The following PAX5 variants were observed in gnomAD, a reference collection of about 807,000 sequenced individuals.
PAX5 encodes the protein paired box 5, also known as paired box protein Pax-5.
Under a neutral mutation model 43.7 loss-of-function variants are expected in PAX5, and 9 were observed. That is an observed-to-expected ratio of 0.21 (90% CI 0.12 to 0.36). The LOEUF (loss-of-function observed/expected upper bound fraction) is 0.36, where lower values mean the gene tolerates loss of function less well. PAX5 is among the 10% of genes least tolerant of loss of function. PAX5 has a pLI of 1.00. For missense variants in PAX5, 383 were observed against 532.7 expected, an observed-to-expected ratio of 0.72 and a Z score of 2.77; for synonymous variants, 228 against 214.3, an observed-to-expected ratio of 1.06 and a Z score of -0.56.
chr9:36,968,911 A>G (rs1380137491), intron 5 of PAX5, among the ~76,000 whole-genome samples: 1 of 152,038 alleles, frequency 6.6e-6, no homozygotes, highest in Non-Finnish European at 1.5e-5. Flanking sequence ...TTCTATGCAC[A>G]CACACACATG....
intron 7 of PAX5, among the ~76,000 whole-genome samples, chr9:36,883,560 A>T (rs908767702): frequency 1.3e-5 from 2 of 152,054 alleles, no homozygotes; most frequent in Non-Finnish European, 2.9e-5. Flanking sequence ...GATCCCAGCT[A>T]CTCGGGAGGC....
At chr9:37,025,037 C>T (rs76390944) in intron 1 of PAX5, among the ~76,000 whole-genome samples, 1,982 of 152,306 alleles carry the variant, frequency 0.013, 51 homozygotes, top group African/African-American at 0.044. Flanking sequence ...AGGTCCTCCC[C>T]AGAGCCAGGC....
At chr9:37,026,248 C>G (rs921164007) in intron 1 of PAX5, among the ~76,000 whole-genome samples, 1 of 152,268 alleles carries the variant, frequency 6.6e-6, no homozygotes, top group Non-Finnish European at 1.5e-5. Flanking sequence ...CGGGTCCAAG[C>G]CAGGGTTCTC....
In PAX5 at chr9:36,839,732, C is replaced by G; in HGVS notation, c.*828G>C. The stretch of plus-strand genomic sequence containing the variant: ...TCACATTCAAAGTCCACAATGTAAT[C>G]AATACCTCGGATGACATTCTGCTTC... On this transcript the variant is annotated 3_prime_UTR_variant, in exon 10 of 10. Coordinates refer to ENST00000358127, the MANE Select transcript of PAX5 (RefSeq NM_016734.3). The G allele has an allele frequency of 4.3e-6, 1 of 233,414 alleles. No individual in the cohort carries two copies. The highest frequency in any genetic ancestry group is 8.5e-6 in the Non-Finnish European group (1 of 118,116). 14.5% of individuals were successfully genotyped at this position (233,414 alleles called of 1,614,324 possible).
intron 8 of PAX5, among the ~76,000 whole-genome samples, chr9:36,867,931 A>G (rs768275933): frequency 1.3e-5 from 2 of 152,198 alleles, no homozygotes; most frequent in Non-Finnish European, 2.9e-5. Flanking sequence ...ATTAATGACT[A>G]TATTTCCAGC....
In PAX5 at chr9:37,027,048, T is replaced by A. The variant is rs189016938; in HGVS notation, c.47-6247A>T. 2.2e-3 allele frequency among the ~76,000 whole-genome samples: 333 copies of A among 152,308 alleles called. 4 individuals are homozygous for A. The highest frequency in any genetic ancestry group is 7.4e-3 in the African/African-American group (309 of 41,570). The stretch of plus-strand genomic sequence containing the variant: ...TGCCAGGCTGGTTCCGCGGCCTCGA[T>A]GCTTCTGAGGTCCCTCCTCGACCCC... On this transcript the variant is annotated intron_variant, in intron 1 of 9. Transcript: ENST00000358127.
chr9:36,937,272 C>T (rs1051391685), intron 6 of PAX5, among the ~76,000 whole-genome samples: 2 of 152,166 alleles, frequency 1.3e-5, no homozygotes, highest in East Asian at 1.9e-4. Flanking sequence ...TATTACTACC[C>T]TCCCTTTACA....
At chr9:36,924,437 C>T (rs1263470871) in intron 6 of PAX5, among the ~76,000 whole-genome samples, 2 of 152,118 alleles carry the variant, frequency 1.3e-5, no homozygotes, top group East Asian at 1.9e-4. Context: ...AAAATATATG[C>T]GGCTGGGTGC....
Position 36,838,144 on chromosome 9 carries a change from C to T in PAX5, c.*2416G>A. The T allele has an allele frequency of 4.3e-6, 1 of 233,366 alleles. No homozygotes were observed. The highest frequency in any genetic ancestry group is 8.5e-6 in the Non-Finnish European group (1 of 118,146). 14.5% of individuals were successfully genotyped at this position (233,366 alleles called of 1,614,324 possible). On this transcript the variant is annotated 3_prime_UTR_variant, in exon 10 of 10. Coordinates refer to ENST00000358127, the MANE Select transcript of PAX5 (RefSeq NM_016734.3). ...GCTCACCCTGGCTCCTGGAGGTGGA[C>T]TCTGGCCCCAACTACCTCCCTTCTT...
intron 1 of PAX5, among the ~76,000 whole-genome samples, chr9:37,032,362 A>C (rs1841065412): frequency 6.6e-6 from 1 of 152,116 alleles, no homozygotes; most frequent in Non-Finnish European, 1.5e-5. Flanking sequence ...CATTCCCCAC[A>C]CATACACAAC....
intron 3 of PAX5, among the ~76,000 whole-genome samples, chr9:37,014,321 C>G (rs1401912318): frequency 6.6e-6 from 1 of 152,204 alleles, no homozygotes; most frequent in Non-Finnish European, 1.5e-5. Flanking sequence ...CTTTCTCTCC[C>G]TGTGTGAGAT....
At chr9:36,872,949 C>G (rs1168250722) in intron 8 of PAX5, among the ~76,000 whole-genome samples, 6 of 152,136 alleles carry the variant, frequency 3.9e-5, no homozygotes, top group Non-Finnish European at 5.9e-5. Flanking sequence ...GCTCATCTCC[C>G]ACCAGCCCCA....
intron 7 of PAX5, among the ~76,000 whole-genome samples, chr9:36,904,868 A>G (rs988534284): frequency 6.6e-6 from 1 of 152,240 alleles, no homozygotes; most frequent in African/African-American, 2.4e-5. Context: ...TCCTGAGTAC[A>G]TACTATATTC....
At chr9:36,948,146 G>A (rs1460154631) in intron 6 of PAX5, among the ~76,000 whole-genome samples, 1 of 152,196 alleles carries the variant, frequency 6.6e-6, no homozygotes, top group East Asian at 1.9e-4. Flanking sequence ...CTGAGTGAGG[G>A]GGAGCAAACT....
chr9:37,007,182 A>G (rs1440656631), intron 3 of PAX5, among the ~76,000 whole-genome samples: 1 of 152,236 alleles, frequency 6.6e-6, no homozygotes, highest in African/African-American at 2.4e-5. Flanking sequence ...AAGGATCCAC[A>G]GGGCTGGAGC....
At chr9:36,842,199 C>T (rs1214351053) in intron 9 of PAX5, among the ~76,000 whole-genome samples, 3 of 152,214 alleles carry the variant, frequency 2.0e-5, no homozygotes, top group African/African-American at 7.2e-5. Flanking sequence ...CTCAGAGACC[C>T]CTGTCAGCCT....
chr9:36,891,851 A>T (rs1029938686), intron 7 of PAX5, among the ~76,000 whole-genome samples: 4 of 152,190 alleles, frequency 2.6e-5, no homozygotes, highest in African/African-American at 9.7e-5. Flanking sequence ...AGAGCCAGGA[A>T]GACAATCTCA....
intron 6 of PAX5, among the ~76,000 whole-genome samples, chr9:36,960,867 G>A (rs770516489): frequency 6.6e-6 from 1 of 152,044 alleles, no homozygotes; most frequent in Admixed American, 6.5e-5. Context: ...CTGCTCCTTC[G>A]GCCTAGAATG....
rs1167058973 is a variant in PAX5 at position 36,882,192 on chromosome 9, T to C, written c.911-87A>G. The stretch of plus-strand genomic sequence containing the variant: ...CAGCTCCCTGGACGCTTCTGCACAT[T>C]TGTCACGTTTGGACGCTGAACGGCA... On this transcript the variant is annotated intron_variant, in intron 7 of 9. Transcript: ENST00000358127. This position sits in a 1 kb window ranked among gnomAD's most constrained non-coding sequence, Gnocchi z 4.4. 1.8e-6 allele frequency: 2 copies of C among 1,110,190 alleles called. No individual in the cohort carries two copies. The highest frequency in any genetic ancestry group is 2.7e-5 in the Admixed American group (1 of 37,380). 68.8% of individuals were successfully genotyped at this position (1,110,190 alleles called of 1,614,324 possible). A position where few individuals can be genotyped will look rare whatever the true frequency, so the allele number is the denominator to read the frequency against.
Sources: gnomAD v4.1 joint callset for allele counts (sites outside exome capture counted in the v4.1 genomes callset) on GRCh38, gnomAD v4.1.1 for gene constraint, Gnocchi (gnomAD v3.1) non-coding constraint, MANE v1.5 for transcripts, NCBI Gene and HGNC (gene_info 2026-07-23, HGNC 2026-07-21) for gene names.